The following GSE1 variants were observed in gnomAD, a reference collection of about 807,000 sequenced individuals.
GSE1 encodes the protein Gse1 coiled-coil protein, also known as genetic suppressor element 1.
GSE1 carries 32 observed loss-of-function variants against 112.6 expected under a neutral mutation model. The ratio of observed to expected loss-of-function variants is 0.28; its 90% CI spans 0.21 to 0.38. GSE1 has a LOEUF of 0.38. Among genes scored for constraint, GSE1 ranks in the 10% least tolerant of loss-of-function variants. GSE1 has a pLI of 1.00. For missense variants in GSE1, 2,348 were observed against 1,699.2 expected, an observed-to-expected ratio of 1.38 and a Z score of -6.71; for synonymous variants, 1,115 against 735.6, an observed-to-expected ratio of 1.52 and a Z score of -8.35.
chr16:85,306,560 T>C (rs1212116403), intron 1 of GSE1, among the ~76,000 whole-genome samples: 5 of 152,132 alleles, frequency 3.3e-5, no homozygotes, highest in Admixed American at 2.0e-4. Context: ...TTTTTAAAAA[T>C]TGTTTTAGAG....
chr16:85,591,864 T>G (rs1313012886), intron 1 of GSE1, among the ~76,000 whole-genome samples: 2 of 152,246 alleles, frequency 1.3e-5, no homozygotes, highest in African/African-American at 4.8e-5. Flanking sequence ...CAGCGCTGTC[T>G]GCTGGAACAT....
At chr16:85,529,957 C>T (rs921885316) in intron 2 of GSE1, among the ~76,000 whole-genome samples, 10 of 152,310 alleles carry the variant, frequency 6.6e-5, no homozygotes, top group African/African-American at 1.7e-4. Context: ...CAGGCACTGG[C>T]AAGATGAGTG....
At chr16:85,572,171 TACAC>T (rs1050265360) in intron 1 of GSE1, among the ~76,000 whole-genome samples, 1 of 104,188 alleles carries the variant, frequency 9.6e-6, no homozygotes, top group Non-Finnish European at 1.9e-5. Context: ...CACTGAATAC[TACAC>T]ACACACCACA....
intron 1 of GSE1, chr16:85,581,960 AG>A (rs1043653883): frequency 2.0e-5 from 3 of 152,084 alleles, no homozygotes; most frequent in African/African-American, 7.2e-5. Flanking sequence ...CATTTTTCAA[AG>A]CTCCCCACCC....
chr16:85,241,394 C>T lies in GSE1; in HGVS notation c.2283+69587C>T, dbSNP rs1423348620. 3.9e-5 allele frequency among the ~76,000 whole-genome samples: 6 copies of T among 152,246 alleles called. No individual in the cohort carries two copies. In the East Asian group the frequency reaches 1.2e-3, roughly 29 times the overall value. On this transcript the variant is annotated intron_variant, in intron 1 of 2. Coordinates refer to the GSE1 transcript ENST00000637419. ...CAGGCCCTCTCTGTCTCTGCCCCAC[C>T]TTTTCCCAAGTGGGCATTGCATGGC...
At chr16:85,366,097 G>A (rs533975411) in intron 2 of GSE1, among the ~76,000 whole-genome samples, 4 of 152,398 alleles carry the variant, frequency 2.6e-5, no homozygotes, top group South Asian at 4.1e-4. Context: ...GCTCCCAGCC[G>A]GGCTTGGGCC....
At chr16:85,475,442 G>T (rs779712015) in intron 2 of GSE1, among the ~76,000 whole-genome samples, 7 of 152,260 alleles carry the variant, frequency 4.6e-5, no homozygotes, top group Non-Finnish European at 7.3e-5. Context: ...GTGTCCTGAA[G>T]CAGGCAAGGG....
chr16:85,463,138 C>T, intron 2 of GSE1: 1 of 983,200 alleles, frequency 1.0e-6, no homozygotes, highest in Non-Finnish European at 1.2e-6. Context: ...AAGTGCCCAG[C>T]TCACCGCCCC....
chr16:85,315,638 A>T (rs1453814837), intron 1 of GSE1, among the ~76,000 whole-genome samples: 1 of 152,078 alleles, frequency 6.6e-6, no homozygotes, highest in Non-Finnish European at 1.5e-5. Context: ...TAGACTTGAG[A>T]CCGTGTGTAA....
chr16:85,502,894 A>G (rs2051417921), intron 2 of GSE1, among the ~76,000 whole-genome samples: 1 of 152,234 alleles, frequency 6.6e-6, no homozygotes, highest in Non-Finnish European at 1.5e-5. Flanking sequence ...TGCCTGTTCC[A>G]GGAGGCCAGG....
chr16:85,316,788 G>T (rs538370862), intron 1 of GSE1, among the ~76,000 whole-genome samples: 19 of 152,352 alleles, frequency 1.2e-4, no homozygotes, highest in African/African-American at 4.6e-4. Context: ...CTTGGGAGCA[G>T]ACGTCTCCCT....
intron 2 of GSE1, among the ~76,000 whole-genome samples, chr16:85,518,276 G>A (rs1004979866): frequency 6.6e-6 from 1 of 152,208 alleles, no homozygotes; most frequent in African/African-American, 2.4e-5. Flanking sequence ...AGAATGAAGG[G>A]GGTCTCTGGG....
At chr16:85,669,218 T>G (rs2053129655) in intron 14 of GSE1, among the ~76,000 whole-genome samples, 1 of 152,262 alleles carries the variant, frequency 6.6e-6, no homozygotes, top group Admixed American at 6.5e-5. Flanking sequence ...CCATCCTTAC[T>G]GCGTGGGCAC....
intron 2 of GSE1, among the ~76,000 whole-genome samples, chr16:85,527,583 CG>C (rs2151173169): frequency 6.6e-6 from 1 of 152,368 alleles, no homozygotes; most frequent in South Asian, 2.1e-4. Context: ...CACACTGCCC[CG>C]GGAGGGGCTT....
In GSE1 at chr16:85,279,613, G is replaced by GTCAA. The variant is rs368302489; in HGVS notation, c.2284-77833_2284-77830dup. ...CCTGTTTCAATCAATCAATCAGTCA[G>GTCAA]TCAATCAATCAATCAATCAAACAGT... is the stretch of plus-strand genomic sequence containing the variant. On this transcript the variant is annotated intron_variant, in intron 1 of 2. Coordinates refer to the GSE1 transcript ENST00000637419. 5.8e-3 allele frequency among the ~76,000 whole-genome samples: 882 copies of GTCAA among 152,094 alleles called. 6 individuals carry two copies. Among genetic ancestry groups the GTCAA allele is most frequent in the African/African-American group, 0.021 (850 of 41,408 alleles).
intron 1 of GSE1, among the ~76,000 whole-genome samples, chr16:85,355,101 G>A (rs755548244): frequency 1.3e-4 from 20 of 152,162 alleles, no homozygotes; most frequent in Admixed American, 9.2e-4. Flanking sequence ...AAGCATTCCC[G>A]GAAACAAACG....
At chr16:85,463,139 T>C in intron 2 of GSE1, 1 of 983,186 alleles carries the variant, frequency 1.0e-6, no homozygotes, top group Non-Finnish European at 1.2e-6. Context: ...AGTGCCCAGC[T>C]CACCGCCCCG....
chr16:85,422,243 G>A (rs948327214), intron 2 of GSE1, among the ~76,000 whole-genome samples: 13 of 152,296 alleles, frequency 8.5e-5, no homozygotes, highest in Non-Finnish European at 1.6e-4. Context: ...ACACAATCCC[G>A]TTGACATTAT....
intron 1 of GSE1, among the ~76,000 whole-genome samples, chr16:85,257,477 C>T (rs531422495): frequency 4.6e-5 from 7 of 152,246 alleles, no homozygotes; most frequent in East Asian, 3.9e-4. Flanking sequence ...AACTTCAAGC[C>T]GGAGCACATA....
Sources: gnomAD v4.1 joint callset for allele counts (sites outside exome capture counted in the v4.1 genomes callset) on GRCh38, gnomAD v4.1.1 for gene constraint, MANE v1.5 for transcripts, NCBI Gene and HGNC (gene_info 2026-07-23, HGNC 2026-07-21) for gene names.